Variants in SLC5A4 observed in about 807,000 individuals in gnomAD.
SLC5A4 encodes solute carrier family 5 member 4.
SLC5A4 carries 55 observed loss-of-function variants against 70.3 expected under a neutral mutation model. That is an observed-to-expected ratio of 0.78 (90% CI 0.63 to 0.98). The LOEUF (loss-of-function observed/expected upper bound fraction) is 0.98, where lower values mean the gene tolerates loss of function less well. Ranked by LOEUF, SLC5A4 falls within the 50% of genes least tolerant of loss-of-function variation. The pLI, the probability that SLC5A4 is intolerant of heterozygous loss-of-function variation, is 0.00. For missense variants in SLC5A4, 735 were observed against 839.2 expected (o/e 0.88, Z 1.53); for synonymous variants, 268 against 305.7 (o/e 0.88, Z 1.29).
At chr22:32,281,474 C>T in the SLC5A4 span, among the ~76,000 whole-genome samples, 1 of 152,214 alleles carries the variant, frequency 6.6e-6, no homozygotes, top group African/African-American at 2.4e-5. Flanking sequence ...GCCACAGGTG[C>T]TCCACTCCTA....
chr22:32,310,264 G>A, the SLC5A4 span, among the ~76,000 whole-genome samples: 4 of 152,100 alleles, frequency 2.6e-5, no homozygotes, highest in African/African-American at 7.2e-5. Context: ...AGGACAGCAG[G>A]ACATGAGGGT....
At chr22:32,246,016 A>G (rs1205920370) in intron 5 of SLC5A4, among the ~76,000 whole-genome samples, 3 of 152,182 alleles carry the variant, frequency 2.0e-5, no homozygotes, top group Non-Finnish European at 2.9e-5. Flanking sequence ...ATGACCCCCA[A>G]TGCCATCCAT....
the SLC5A4 span, among the ~76,000 whole-genome samples, chr22:32,304,411 G>T: frequency 2.0e-5 from 3 of 151,746 alleles, no homozygotes; most frequent in African/African-American, 7.3e-5. Flanking sequence ...AAAAGTACTG[G>T]GATTACAGGC....
the SLC5A4 span, among the ~76,000 whole-genome samples, chr22:32,282,419 G>A: frequency 7.6e-6 from 1 of 131,884 alleles, no homozygotes; most frequent in South Asian, 2.5e-4. Context: ...TCTCAGCCTC[G>A]CTCCCACCTT....
the SLC5A4 span, among the ~76,000 whole-genome samples, chr22:32,266,756 G>A: frequency 7.9e-5 from 12 of 152,280 alleles, no homozygotes; most frequent in East Asian, 1.7e-3. Flanking sequence ...TATCAAGTCC[G>A]TTAACGCATA....
the SLC5A4 span, among the ~76,000 whole-genome samples, chr22:32,267,628 G>A: frequency 6.6e-6 from 1 of 152,280 alleles, no homozygotes; most frequent in South Asian, 2.1e-4. Context: ...ACAGGCACAT[G>A]CCACTGCACC....
chr22:32,346,792 G>A, the SLC5A4 span, among the ~76,000 whole-genome samples: 2 of 147,092 alleles, frequency 1.4e-5, no homozygotes, highest in Non-Finnish European at 3.0e-5. Context: ...ACATAGGCAT[G>A]GGCAAGGACT....
the SLC5A4 span, among the ~76,000 whole-genome samples, chr22:32,318,370 A>G: frequency 6.6e-6 from 1 of 152,090 alleles, no homozygotes; most frequent in Non-Finnish European, 1.5e-5. Context: ...CCAAATTGAT[A>G]TTTAATAGAC....
chr22:32,269,037 A>G, the SLC5A4 span, among the ~76,000 whole-genome samples: 8 of 152,126 alleles, frequency 5.3e-5, no homozygotes, highest in South Asian at 1.7e-3. This position sits in a 1 kb window ranked among gnomAD's most constrained non-coding sequence, Gnocchi z 4.1. Context: ...GGACTGCAGG[A>G]GCATGCCACC....
At chr22:32,227,805 C>T (rs1365585724) in intron 11 of SLC5A4, among the ~76,000 whole-genome samples, 1 of 152,004 alleles carries the variant, frequency 6.6e-6, no homozygotes, top group Non-Finnish European at 1.5e-5. Context: ...CATGGTCGTG[C>T]ACGCCTCTAG....
At chr22:32,231,317 C>T (rs1053093372) in intron 9 of SLC5A4, among the ~76,000 whole-genome samples, 9 of 152,214 alleles carry the variant, frequency 5.9e-5, no homozygotes, top group African/African-American at 2.2e-4. Context: ...TGGGACGTGG[C>T]CTAGCAAGGG....
At chr22:32,231,908 G>A (rs549660175) in intron 9 of SLC5A4, among the ~76,000 whole-genome samples, 1 of 151,432 alleles carries the variant, frequency 6.6e-6, no homozygotes, top group Non-Finnish European at 1.5e-5. Flanking sequence ...TTTAAGAGAC[G>A]GGGTCTCTGT....
chr22:32,277,997 G>A, the SLC5A4 span, among the ~76,000 whole-genome samples: 2 of 83,020 alleles, frequency 2.4e-5, no homozygotes, highest in African/African-American at 1.5e-4. Context: ...TAGGCAGGGG[G>A]AAGGGAAATG....
At chr22:32,300,192 G>C in the SLC5A4 span, among the ~76,000 whole-genome samples, 2 of 152,172 alleles carry the variant, frequency 1.3e-5, no homozygotes, top group African/African-American at 4.8e-5. Context: ...CCCAGTTTGA[G>C]CTTCCCAGCT....
At chr22:32,308,893 G>C in the SLC5A4 span, among the ~76,000 whole-genome samples, 1 of 152,198 alleles carries the variant, frequency 6.6e-6, no homozygotes, top group Non-Finnish European at 1.5e-5. Flanking sequence ...ATTGAGGCCT[G>C]TTGCACATGT....
the SLC5A4 span, among the ~76,000 whole-genome samples, chr22:32,306,836 G>A: frequency 6.6e-6 from 1 of 152,168 alleles, no homozygotes; most frequent in Non-Finnish European, 1.5e-5. Context: ...TATGCTACTA[G>A]CTTTAAAACG....
At chr22:32,229,613 T>C (rs940298565) in intron 10 of SLC5A4, among the ~76,000 whole-genome samples, 1 of 152,164 alleles carries the variant, frequency 6.6e-6, no homozygotes, top group East Asian at 1.9e-4. Flanking sequence ...CTCATGGCTA[T>C]AGAGAGCAGA....
At chr22:32,340,523 G>A in the SLC5A4 span, among the ~76,000 whole-genome samples, 5 of 152,244 alleles carry the variant, frequency 3.3e-5, no homozygotes, top group African/African-American at 4.8e-5. Flanking sequence ...GGCGACGCAC[G>A]TGACAAGGCA....
chr22:32,339,991 G>T, the SLC5A4 span, among the ~76,000 whole-genome samples: 1 of 152,212 alleles, frequency 6.6e-6, no homozygotes, highest in South Asian at 2.1e-4. Flanking sequence ...AGCATAGAGT[G>T]GCATCATCTC....
Sources: gnomAD v4.1 joint callset for allele counts (sites outside exome capture counted in the v4.1 genomes callset) on GRCh38, gnomAD v4.1.1 for gene constraint, Gnocchi (gnomAD v3.1) non-coding constraint, MANE v1.5 for transcripts, NCBI Gene and HGNC (gene_info 2026-07-23, HGNC 2026-07-21) for gene names.